The following ARSB variants were observed in gnomAD, a reference collection of about 807,000 sequenced individuals.
ARSB encodes N-acetylgalactosamine-4-sulfatase.
Under a neutral mutation model 50.9 loss-of-function variants are expected in ARSB, and 41 were observed. The observed-to-expected ratio is 0.81, with a 90% CI of 0.63 to 1.04. The LOEUF (loss-of-function observed/expected upper bound fraction) is 1.04, where lower values mean the gene tolerates loss of function less well. Among genes scored for constraint, ARSB ranks in the 50% least tolerant of loss-of-function variants. ARSB has a pLI of 0.00. For synonymous variants in ARSB, 269 were observed against 284.8 expected, an observed-to-expected ratio of 0.94 and a Z score of 0.56; for missense variants, 672 against 693.3, an observed-to-expected ratio of 0.97 and a Z score of 0.35.
chr5:78,970,273 C>T (rs774251086), intron 1 of ARSB, among the ~76,000 whole-genome samples: 3 of 152,082 alleles, frequency 2.0e-5, no homozygotes, highest in Non-Finnish European at 4.4e-5. Flanking sequence ...GAAGCAGATA[C>T]AACAACCTAG....
chr5:78,925,551 T>A lies in ARSB; in HGVS notation c.898+29744A>T, dbSNP rs554348532. On this transcript the variant is annotated intron_variant, in intron 4 of 7. Transcript: ENST00000264914. ...TTTACCTCTGTTACAGTTCTATAAA[T>A]TTTTATAAATAACTGTATTACTAAG... 1.2e-4 allele frequency among the ~76,000 whole-genome samples: 18 copies of A among 145,340 alleles called. No homozygotes were observed. The East Asian group carries it at 1.6e-3, about 13-fold the overall frequency.
chr5:78,800,603 A>G (rs1165700670), intron 6 of ARSB, among the ~76,000 whole-genome samples: 1 of 152,344 alleles, frequency 6.6e-6, no homozygotes, highest in East Asian at 1.9e-4. Context: ...ACAGAAAAAC[A>G]TTAAATTAAT....
chr5:78,972,996 G>A (rs925705546), intron 1 of ARSB, among the ~76,000 whole-genome samples: 3 of 152,178 alleles, frequency 2.0e-5, no homozygotes, highest in African/African-American at 7.2e-5. Flanking sequence ...TTTTCGGTCT[G>A]TTCAAACACT....
rs1221636759 is a variant in ARSB, at chr5:78,985,186, G to A, written c.63C>T (p.Pro21=). Residue 21 remains proline, a synonymous_variant, in exon 1 of 8, where the codon CCC becomes CCT. Transcript: ENST00000264914. ...RGPGPRRLLL[P]VVLPLLLLLL... ...GCAGCAGCAGCAGCGGGAGGACGAC[G>A]GGGAGGAGCAGCCGCCGAGGTCCGG... 2.1e-6 allele frequency: 3 copies of A among 1,412,110 alleles called. No individual in the cohort carries two copies. The highest frequency in any genetic ancestry group is 2.8e-6 in the Non-Finnish European group (3 of 1,084,304). The allele number at this position is 1,412,110 out of a possible 1,614,324, so 87.5% of individuals were successfully genotyped here.
intron 1 of ARSB, 25 bp downstream of exon 1, chr5:78,984,901 GGCGGGGGCGGC>G (rs1201363919): frequency 6.4e-5 from 83 of 1,290,298 alleles, no homozygotes; most frequent in Non-Finnish European, 7.2e-5. Flanking sequence ...CGAAAGGCGG[GGCGGGGGCGGC>G]GCGGGCGGCG....
At chr5:78,868,580 A>G (rs1251603566) in intron 5 of ARSB, among the ~76,000 whole-genome samples, 1 of 145,688 alleles carries the variant, frequency 6.9e-6, no homozygotes, top group East Asian at 1.9e-4. Flanking sequence ...TAAGTGAAGG[A>G]GAAATAAAAT....
intron 1 of ARSB, among the ~76,000 whole-genome samples, chr5:78,972,281 GC>G (rs1752481669): frequency 6.6e-6 from 1 of 152,018 alleles, no homozygotes; most frequent in Non-Finnish European, 1.5e-5. Flanking sequence ...CTGGTAATTG[GC>G]CCTTCCTTTC....
At chr5:78,784,495 A>C (rs979553019) in intron 6 of ARSB, among the ~76,000 whole-genome samples, 11 of 152,206 alleles carry the variant, frequency 7.2e-5, no homozygotes, top group African/African-American at 2.7e-4. Flanking sequence ...ATCCACAAAA[A>C]AGAGTTTGTT....
intron 6 of ARSB, chr5:78,817,080 C>G: frequency 6.1e-6 from 6 of 985,414 alleles, no homozygotes; most frequent in Non-Finnish European, 7.2e-6. Flanking sequence ...CCTCTGGGCC[C>G]TTCTGTAGCA....
intron 4 of ARSB, among the ~76,000 whole-genome samples, chr5:78,905,447 T>C (rs973084541): frequency 6.6e-6 from 1 of 151,116 alleles, no homozygotes; most frequent in African/African-American, 2.4e-5. Context: ...TCGAGGGTGT[T>C]GATGTTTGTT....
At chr5:78,967,953 A>G (rs1752274906) in intron 2 of ARSB, among the ~76,000 whole-genome samples, 1 of 152,236 alleles carries the variant, frequency 6.6e-6, no homozygotes, top group Non-Finnish European at 1.5e-5. Flanking sequence ...ATATATAGCT[A>G]CTGGCAAGAT....
intron 4 of ARSB, among the ~76,000 whole-genome samples, chr5:78,923,123 G>A (rs1749902573): frequency 6.6e-6 from 1 of 152,224 alleles, no homozygotes; most frequent in Admixed American, 6.5e-5. Flanking sequence ...GAGCCAAACA[G>A]GGAGGGAGGG....
chr5:78,841,162 C>CTAATAATAATAATAATAA (rs1427792909), intron 5 of ARSB, among the ~76,000 whole-genome samples: 71 of 97,662 alleles, frequency 7.3e-4, no homozygotes, highest in South Asian at 2.8e-3. Flanking sequence ...ACTACTACTA[C>CTAATAATAATAATAATAA]TACTACTAAT....
At chr5:78,807,135 C>A (rs1437430887) in intron 6 of ARSB, among the ~76,000 whole-genome samples, 1 of 151,606 alleles carries the variant, frequency 6.6e-6, no homozygotes, top group Non-Finnish European at 1.5e-5. Context: ...GAAATAAGGC[C>A]AAGAAAAAAA....
At chr5:78,791,815 T>C (rs1304437509) in intron 6 of ARSB, among the ~76,000 whole-genome samples, 7 of 152,238 alleles carry the variant, frequency 4.6e-5, no homozygotes, top group Non-Finnish European at 2.9e-5. Context: ...CACTCTGAAC[T>C]GATGCTTTAG....
intron 6 of ARSB, 137 bp downstream of exon 6, chr5:78,839,217 GGA>G (rs1332693717): frequency 3.9e-6 from 3 of 777,914 alleles, no homozygotes; most frequent in Non-Finnish European, 6.7e-6. Context: ...GAGATGAGCG[GGA>G]GATATGTCCC....
chr5:78,847,112 G>A (rs1384294748), intron 5 of ARSB, among the ~76,000 whole-genome samples: 1 of 152,064 alleles, frequency 6.6e-6, no homozygotes, highest in Non-Finnish European at 1.5e-5. Flanking sequence ...ACTTGATAAT[G>A]GTGAATGATC....
chr5:78,971,651 C>T (rs1184391674), intron 1 of ARSB, among the ~76,000 whole-genome samples: 1 of 152,188 alleles, frequency 6.6e-6, no homozygotes, highest in Non-Finnish European at 1.5e-5. Flanking sequence ...AACTCACTAA[C>T]TTCAATAACT....
At chr5:78,905,344 GTT>G (rs60622885) in intron 4 of ARSB, among the ~76,000 whole-genome samples, 19 of 130,530 alleles carry the variant, frequency 1.5e-4, no homozygotes, top group African/African-American at 4.7e-4. Context: ...GTATTTTCCT[GTT>G]TTTTTTTTTT....
Sources: allele counts gnomAD v4.1 joint callset (sites outside exome capture counted in the v4.1 genomes callset), GRCh38; gene constraint gnomAD v4.1.1; transcripts MANE v1.5; gene names NCBI Gene and HGNC (gene_info 2026-07-23, HGNC 2026-07-21).